Variants in CAV3 observed in about 807,000 individuals in gnomAD.
CAV3 encodes caveolin-3.
A neutral mutation model predicts 13.4 loss-of-function variants in CAV3; 10 were observed. The observed-to-expected ratio is 0.75, with a 90% CI of 0.46 to 1.27. The LOEUF is 1.27. Ranked by LOEUF, CAV3 falls within the 50% of genes most tolerant of loss-of-function variation. The probability of loss-of-function intolerance (pLI) is 0.00; values close to 1 mark genes in which losing one functional copy is unlikely to be tolerated. For synonymous variants in CAV3, 90 were observed against 79.0 expected, an observed-to-expected ratio of 1.14 and a Z score of -0.74; for missense variants, 162 against 194.0, an observed-to-expected ratio of 0.83 and a Z score of 0.98.
intron 1 of CAV3, among the ~76,000 whole-genome samples, chr3:8,736,146 C>T (rs1707745917): frequency 6.6e-6 from 1 of 152,154 alleles, no homozygotes; most frequent in Non-Finnish European, 1.5e-5. Flanking sequence ...AGGAATAGTC[C>T]TGGACTTGAC....
At chr3:8,740,824 C>G (rs1210612986) in intron 1 of CAV3, among the ~76,000 whole-genome samples, 3 of 152,246 alleles carry the variant, frequency 2.0e-5, no homozygotes, top group African/African-American at 7.2e-5. Context: ...GCCACCTCCT[C>G]CACCCATCAG....
chr3:8,734,259 G>T (rs1409404667), intron 1 of CAV3, among the ~76,000 whole-genome samples: 2 of 151,668 alleles, frequency 1.3e-5, no homozygotes, highest in African/African-American at 4.8e-5. Flanking sequence ...GAGTCACAAA[G>T]AAAATCCCTC....
chr3:8,745,510 C>T lies in CAV3; in HGVS notation c.115-16C>T, dbSNP rs1484708538. 1 of 1,606,292 alleles carries T rather than the reference C, an allele frequency of 6.2e-7. No individual in the cohort carries two copies. The highest frequency in any genetic ancestry group is 8.5e-7 in the Non-Finnish European group (1 of 1,173,024). ...TGGCTTCTGTGAGTTGAGGCTTCCC[C>T]TTGCCACCCCTGCAGGTGGATTTTG... is the stretch of plus-strand genomic sequence containing the variant. On this transcript the variant is annotated splice_polypyrimidine_tract_variant and intron_variant, in intron 1 of 1. Coordinates refer to ENST00000343849, the MANE Select transcript of CAV3 (RefSeq NM_033337.3). This position sits in a 1 kb window ranked among gnomAD's most constrained non-coding sequence, Gnocchi z 4.8.
At chr3:8,737,728 G>A (rs1208065604) in intron 1 of CAV3, among the ~76,000 whole-genome samples, 1 of 152,156 alleles carries the variant, frequency 6.6e-6, no homozygotes, top group Non-Finnish European at 1.5e-5. Flanking sequence ...TGTCCCAGAG[G>A]ACGTAGTGAT....
chr3:8,734,106 C>T, intron 1 of CAV3, 116 bp downstream of exon 1: 1 of 703,976 alleles, frequency 1.4e-6, no homozygotes, highest in Non-Finnish European at 2.6e-6. Context: ...AGACTTGTTG[C>T]TCTGTTGTCT....
In CAV3 at chr3:8,744,367, C is replaced by T. The variant is rs1232618339; in HGVS notation, c.115-1159C>T. ...AATCTCGGCTCACTGCAAGCCCCGCCTCCCGGGTTTATGCCGTTCTCCTTC... is the reference window on the plus strand; with the variant it reads ...AATCTCGGCTCACTGCAAGCCCCGCTTCCCGGGTTTATGCCGTTCTCCTTC... On this transcript the variant is annotated intron_variant, in intron 1 of 1. Transcript: ENST00000343849. Among the ~76,000 whole-genome samples the T allele has an allele frequency of 1.6e-4, 25 of 151,548 alleles. No homozygotes were observed. The South Asian group carries it at 5.2e-3, about 32-fold the overall frequency.
At chr3:8,740,391 G>A (rs1385140452) in intron 1 of CAV3, among the ~76,000 whole-genome samples, 1 of 151,936 alleles carries the variant, frequency 6.6e-6, no homozygotes, top group Non-Finnish European at 1.5e-5. Context: ...GCACAGCCAA[G>A]CCCAGAGCTC....
chr3:8,741,685 T>C (rs1230919888), intron 1 of CAV3, among the ~76,000 whole-genome samples: 1 of 152,096 alleles, frequency 6.6e-6, no homozygotes, highest in Non-Finnish European at 1.5e-5. Flanking sequence ...CACCCACAGA[T>C]ATCCTATTTG....
At chr3:8,743,561 A>G (rs1179547569) in intron 1 of CAV3, among the ~76,000 whole-genome samples, 1 of 152,180 alleles carries the variant, frequency 6.6e-6, no homozygotes, top group Non-Finnish European at 1.5e-5. Context: ...AGATTATACA[A>G]GGAAGGTCCT....
At chr3:8,741,594 A>G (rs970559140) in intron 1 of CAV3, among the ~76,000 whole-genome samples, 1 of 152,158 alleles carries the variant, frequency 6.6e-6, no homozygotes, top group Admixed American at 6.5e-5. Flanking sequence ...GGAAAGTACC[A>G]TGCCCCAAAT....
chr3:8,737,762 C>T (rs989517010), intron 1 of CAV3, among the ~76,000 whole-genome samples: 7 of 152,190 alleles, frequency 4.6e-5, no homozygotes, highest in Admixed American at 1.3e-4. Context: ...TCACTGCATG[C>T]AAACCCTCCA....
chr3:8,738,108 C>T (rs568135738), intron 1 of CAV3, among the ~76,000 whole-genome samples: 2 of 152,088 alleles, frequency 1.3e-5, no homozygotes, highest in Non-Finnish European at 2.9e-5. Context: ...ACATAGGCCC[C>T]CAGGGCCCTA....
intron 1 of CAV3, among the ~76,000 whole-genome samples, chr3:8,738,070 C>T (rs1707823859): frequency 6.6e-6 from 1 of 151,798 alleles, no homozygotes; most frequent in Non-Finnish European, 1.5e-5. Context: ...TCTCTCTCTT[C>T]TCTCTCTATC....
In CAV3 at chr3:8,745,720, G is replaced by A; in HGVS notation, c.309G>A (p.Val103=). 6.2e-7 allele frequency: 1 copy of A among 1,614,158 alleles called. No individual in the cohort carries two copies. The highest frequency in any genetic ancestry group is 8.5e-7 in the Non-Finnish European group (1 of 1,180,040). The part of the protein sequence containing the change: ...ACISFCHIWA[V]VPCIKSYLIE... ...TCTCCTTCTGCCACATCTGGGCGGTGGTGCCATGCATTAAGAGCTACCTGA... is the reference window on the plus strand; with the variant it reads ...TCTCCTTCTGCCACATCTGGGCGGTAGTGCCATGCATTAAGAGCTACCTGA... Residue 103 remains valine (V), a synonymous_variant, in exon 2 of 2, where the codon GTG becomes GTA. Transcript: ENST00000343849. This position sits in a 1 kb window ranked among gnomAD's most constrained non-coding sequence, Gnocchi z 4.8.
rs1708159936 is a variant in CAV3 at position 8,746,191 on chromosome 3, G to A, written c.*324G>A. The A allele has an allele frequency of 3.8e-6, 1 of 261,500 alleles. No individual in the cohort carries two copies. Among genetic ancestry groups the A allele is most frequent in the African/African-American group, 2.2e-5 (1 of 46,300 alleles). The allele number at this position is 261,500 out of a possible 1,614,324, so 16.2% of individuals were successfully genotyped here. On this transcript the variant is annotated 3_prime_UTR_variant, in exon 2 of 2. Transcript: ENST00000343849. ...TAAACCAGCACGCGGTTCCCACCCG[G>A]GGCCAACCTCTCCACGCGCACTCAG... is the stretch of plus-strand genomic sequence containing the variant.
chr3:8,738,416 C>A (rs1008113611), intron 1 of CAV3, among the ~76,000 whole-genome samples: 4 of 152,222 alleles, frequency 2.6e-5, no homozygotes, highest in Non-Finnish European at 5.9e-5. Context: ...ATCAGGGACA[C>A]CCTGTTGCAC....
chr3:8,735,491 A>G (rs979422086), intron 1 of CAV3, among the ~76,000 whole-genome samples: 13 of 152,230 alleles, frequency 8.5e-5, no homozygotes, highest in Non-Finnish European at 1.8e-4. Flanking sequence ...AACATTCTGC[A>G]AAAATTTTTC....
intron 1 of CAV3, chr3:8,742,501 A>G (rs1217421601): frequency 2.2e-6 from 1 of 456,732 alleles, no homozygotes; most frequent in Non-Finnish European, 4.4e-6. Flanking sequence ...ATCAGCACAG[A>G]CTGAGACACA....
At chr3:8,737,639 T>C (rs1707804209) in intron 1 of CAV3, among the ~76,000 whole-genome samples, 1 of 152,118 alleles carries the variant, frequency 6.6e-6, no homozygotes, top group Non-Finnish European at 1.5e-5. Context: ...ACACCCCCAT[T>C]TCTGTTGCCA....
Sources: allele counts gnomAD v4.1 joint callset (sites outside exome capture counted in the v4.1 genomes callset), GRCh38; gene constraint gnomAD v4.1.1; non-coding constraint Gnocchi (gnomAD v3.1); transcripts MANE v1.5; gene names NCBI Gene and HGNC (gene_info 2026-07-23, HGNC 2026-07-21).